ADGRL1: variants seen among roughly 807,000 people sequenced by gnomAD.
ADGRL1 encodes adhesion G protein-coupled receptor L1.
Under a neutral mutation model 148.9 loss-of-function variants are expected in ADGRL1, and 31 were observed. The observed-to-expected ratio is 0.21, with a 90% CI of 0.16 to 0.28. ADGRL1 has a LOEUF of 0.28. Ranked by LOEUF, ADGRL1 falls within the 10% of genes least tolerant of loss-of-function variation. The pLI is 1.00. For missense variants in ADGRL1, 1,521 were observed against 2,058.8 expected, an observed-to-expected ratio of 0.74 and a Z score of 5.05; for synonymous variants, 937 against 900.3, an observed-to-expected ratio of 1.04 and a Z score of -0.73.
In ADGRL1 at chr19:14,204,635, C is replaced by A. The variant is rs546961804; in HGVS notation, c.-96+1350G>T. ...TCCGACCTCCTCTAAGCAGTGACTC[C>A]CTACCAGGATAAGGGAGCCGGGCAA... On this transcript the variant is annotated intron_variant, in intron 1 of 22. Transcript: ENST00000361434. Among the ~76,000 whole-genome samples the A allele has an allele frequency of 2.0e-5, 3 of 151,684 alleles. No homozygotes were observed. In the South Asian group the frequency reaches 6.3e-4, roughly 32 times the overall value.
chr19:14,183,212 A>C (rs527394041), intron 2 of ADGRL1, among the ~76,000 whole-genome samples: 2,065 of 151,160 alleles, frequency 0.014, 56 homozygotes, highest in African/African-American at 0.047. Context: ...AGAGAGAGAG[A>C]GAGAGCGAGA....
Position 14,159,192 on chromosome 19 carries a change from T to C in ADGRL1, c.2047A>G (p.Thr683Ala). ...ACCAGCTCCTGCACCTGGCCCTCTG[T>C]GTTCAGGACTGTGACCTCCAGGACT... ...NVVLEVTVLN[T>A]EGQVQELVFP... The change falls in exon 11 of 23, where the codon ACA becomes GCA. Residue 683 changes from threonine (T) to alanine (A), a missense_variant. Physicochemically the swap from Thr to Ala is moderately conservative, Grantham distance 58 (BLOSUM62 0). Coordinates refer to ENST00000361434, the MANE Select transcript of ADGRL1 (RefSeq NM_014921.5). The surrounding 1 kb of genome is among the most constrained non-coding windows in gnomAD (Gnocchi z 6.0). 1 of 1,614,058 alleles carries C rather than the reference T, an allele frequency of 6.2e-7. No individual in the cohort carries two copies. Among genetic ancestry groups the C allele is most frequent in the Non-Finnish European group, 8.5e-7 (1 of 1,179,972 alleles).
intron 2 of ADGRL1, 55 bp downstream of exon 2, chr19:14,183,478 C>G: frequency 1.5e-6 from 2 of 1,307,538 alleles, no homozygotes; most frequent in East Asian, 2.9e-5. Context: ...TTTTATCTGC[C>G]CCCCCCAGAA....
In ADGRL1 at chr19:14,162,835, G is replaced by A. The variant is rs1348678699; in HGVS notation, c.966C>T (p.Val322=). 1.9e-6 allele frequency: 3 copies of A among 1,614,084 alleles called. No homozygotes were observed. The highest frequency in any genetic ancestry group is 2.5e-6 in the Non-Finnish European group (3 of 1,180,000). Residue 322 remains valine, a synonymous_variant, in exon 5 of 23, where the codon GTC becomes GTT. Transcript: ENST00000361434. The surrounding 1 kb of genome is among the most constrained non-coding windows in gnomAD (Gnocchi z 5.4). ...NAFMVCGVLY[V]LRSVYVDDDS... is the part of the protein sequence containing the mutation. ...CATCATCCACGTACACGGAACGCAG[G>A]ACGTACAGGACCCCACACACCATGA... is the stretch of plus-strand genomic sequence containing the variant.
intron 4 of ADGRL1, chr19:14,170,355 T>C (rs1484728942): frequency 2.9e-5 from 6 of 209,598 alleles, no homozygotes; most frequent in Non-Finnish European, 5.8e-5. Flanking sequence ...GACGTAAGTG[T>C]GCCAGGCAGA....
chr19:14,198,543 G>A (rs569391245), intron 1 of ADGRL1, among the ~76,000 whole-genome samples: 18 of 152,110 alleles, frequency 1.2e-4, no homozygotes, highest in Admixed American at 7.9e-4. Context: ...GCAGCTAGAG[G>A]GAGCTCATGC....
At chr19:14,175,905 T>A (rs1568606784) in intron 3 of ADGRL1, among the ~76,000 whole-genome samples, 1 of 151,788 alleles carries the variant, frequency 6.6e-6, no homozygotes, top group South Asian at 2.1e-4. Flanking sequence ...AATACAAAAA[T>A]AAGCTGGGCA....
intron 4 of ADGRL1, among the ~76,000 whole-genome samples, chr19:14,165,781 C>T (rs768872859): frequency 7.2e-5 from 11 of 151,762 alleles, no homozygotes; most frequent in Non-Finnish European, 1.2e-4. Context: ...GAGGGGAAGA[C>T]GGGGAGGGGA....
intron 1 of ADGRL1, among the ~76,000 whole-genome samples, chr19:14,195,832 A>G (rs564902957): frequency 4.1e-4 from 63 of 152,242 alleles, no homozygotes; most frequent in African/African-American, 1.4e-3. Flanking sequence ...ACGTGCCCAG[A>G]GAGGGCCCAG....
At chr19:14,156,595 TG>T in intron 16 of ADGRL1, 62 bp downstream of exon 16, 1 of 1,205,036 alleles carries the variant, frequency 8.3e-7, no homozygotes, top group Non-Finnish European at 1.1e-6. Flanking sequence ...GGGCAGGGGC[TG>T]GGGTCAAGGC....
At position 14,161,086 on chromosome 19, in the gene ADGRL1, GC is replaced by G. The variant is rs779434429; in HGVS notation, c.1510+225del. Among the ~76,000 whole-genome samples the G allele has an allele frequency of 1.3e-5, 2 of 152,190 alleles. No individual in the cohort carries two copies. Among genetic ancestry groups the G allele is most frequent in the Non-Finnish European group, 2.9e-5 (2 of 68,020 alleles). On this transcript the variant is annotated intron_variant, in intron 6 of 22. Transcript: ENST00000361434. This position sits in a 1 kb window ranked among gnomAD's most constrained non-coding sequence, Gnocchi z 4.4. ...TGGGGCTGTGGCAGGTCAGCCTGAGGCCGGGAGCCAGGTCACCTCCTGCGGA... is the reference window on the plus strand; with the variant it reads ...TGGGGCTGTGGCAGGTCAGCCTGAGGCGGGAGCCAGGTCACCTCCTGCGGA...
At chr19:14,201,622 C>T (rs1166525794) in intron 1 of ADGRL1, among the ~76,000 whole-genome samples, 1 of 152,042 alleles carries the variant, frequency 6.6e-6, no homozygotes, top group Non-Finnish European at 1.5e-5. Flanking sequence ...TGCTATGTTG[C>T]CCAGGCTGAT....
At chr19:14,175,529 CACAT>C (rs1319486500) in intron 3 of ADGRL1, among the ~76,000 whole-genome samples, 5 of 151,758 alleles carry the variant, frequency 3.3e-5, no homozygotes, top group East Asian at 1.9e-4. Context: ...CTCATATAAC[CACAT>C]ATTCACCCAC....
intron 1 of ADGRL1, among the ~76,000 whole-genome samples, chr19:14,192,580 G>A (rs1289486277): frequency 6.6e-6 from 1 of 151,084 alleles, no homozygotes; most frequent in Non-Finnish European, 1.5e-5. Context: ...TTGCTCTGTC[G>A]CCCAGGCTGG....
In ADGRL1 at chr19:14,157,620, G is replaced by A. The variant is rs1022331926; in HGVS notation, c.2536-160C>T. On this transcript the variant is annotated intron_variant, in intron 13 of 22. Coordinates refer to ENST00000361434, the MANE Select transcript of ADGRL1 (RefSeq NM_014921.5). This position sits in a 1 kb window ranked among gnomAD's most constrained non-coding sequence, Gnocchi z 7.5. Reference sequence around the variant, plus strand: ...CTCACCCCTCTGCACGCAGCAATGCGCTCACTTCCTCATGCTCTGGAAGGC... The same window carrying A: ...CTCACCCCTCTGCACGCAGCAATGCACTCACTTCCTCATGCTCTGGAAGGC... 1.3e-5 allele frequency among the ~76,000 whole-genome samples: 2 copies of A among 152,230 alleles called. No homozygotes were observed. The highest frequency in any genetic ancestry group is 2.4e-5 in the African/African-American group (1 of 41,466).
At chr19:14,183,744 G>T (rs773011025) in intron 1 of ADGRL1, 47 bp from the exon 2 acceptor site, 1 of 690,192 alleles carries the variant, frequency 1.4e-6, no homozygotes, top group Non-Finnish European at 2.4e-6. Flanking sequence ...CCTCCAGGCC[G>T]CTCCCCTCTC....
chr19:14,155,657 C>G lies in ADGRL1; in HGVS notation c.3126-130G>C, dbSNP rs909416497. The G allele has an allele frequency of 5.5e-6, 5 of 909,556 alleles. No homozygotes were observed. The Admixed American group carries it at 1.3e-4, about 24-fold the overall frequency. The allele number at this position is 909,556 out of a possible 1,614,324, so 56.3% of individuals were successfully genotyped here. A position where few individuals can be genotyped will look rare whatever the true frequency, so the allele number is the denominator to read the frequency against. ...ACTGTCTGCAAAGCCCTGAGCGGGC[C>G]GAGTGGGCCTTGGGGGCAGTGGCCT... On this transcript the variant is annotated intron_variant, in intron 17 of 22. Transcript: ENST00000361434. The surrounding 1 kb of genome is among the most constrained non-coding windows in gnomAD (Gnocchi z 5.0).
chr19:14,195,594 T>C (rs1396955162), intron 1 of ADGRL1, among the ~76,000 whole-genome samples: 1 of 151,780 alleles, frequency 6.6e-6, no homozygotes, highest in Non-Finnish European at 1.5e-5. Context: ...TCCTGCCCAC[T>C]CCCCAAACCC....
At position 14,151,159 on chromosome 19, in the gene ADGRL1, C is replaced by A; in HGVS notation, c.4124G>T (p.Gly1375Val). ...CCCGCTGGCATAGAGGGAGTCCCGG[C>A]CAGGAGGGGAGGAGAGGGGCCGGCT... ...ATSRPLSSPP[G>V]RDSLYASGAN... is the part of the protein sequence containing the mutation. The change falls in exon 23 of 23, where the codon GGC (glycine) becomes GTC (valine). Residue 1375 changes from glycine (G) to valine (V), a missense_variant. This residue lies in a region of ADGRL1 where 390 missense variants were observed against 375.0 expected (regional missense o/e 1.04). Coordinates refer to ENST00000361434, the MANE Select transcript of ADGRL1 (RefSeq NM_014921.5). 1.9e-6 allele frequency: 3 copies of A among 1,606,228 alleles called. No homozygotes were observed. Among genetic ancestry groups the A allele is most frequent in the Non-Finnish European group, 2.5e-6 (3 of 1,177,484 alleles).
Sources: allele counts gnomAD v4.1 joint callset (sites outside exome capture counted in the v4.1 genomes callset), GRCh38; gene constraint gnomAD v4.1.1; regional missense constraint gnomAD v4.1.1; non-coding constraint Gnocchi (gnomAD v3.1); transcripts MANE v1.5; gene names NCBI Gene and HGNC (gene_info 2026-07-23, HGNC 2026-07-21).